The following GALNT18 variants were observed in gnomAD, a reference collection of about 807,000 sequenced individuals.
The protein encoded by GALNT18 is GalNAc-transferase 18.
In GALNT18, 44 loss-of-function variants were observed where a neutral mutation model predicts 69.5. That is an observed-to-expected ratio of 0.63 (90% CI 0.50 to 0.81). GALNT18 has a LOEUF of 0.81. Ranked by LOEUF, GALNT18 falls within the 40% of genes least tolerant of loss-of-function variation. The pLI is 0.00. For synonymous variants in GALNT18, 364 were observed against 318.2 expected (o/e 1.14, Z -1.53); for missense variants, 715 against 810.0 (o/e 0.88, Z 1.42).
At position 11,497,370 on chromosome 11, in the gene GALNT18, A is replaced by ACACACC. The variant is rs1388394076; in HGVS notation, c.236-48435_236-48434insGGTGTG. ...CACACACACACACACACACACACAC[A>ACACACC]CCCCTTAGAATGGGGCTCCTTAAGA... On this transcript the variant is annotated intron_variant, in intron 1 of 10. Coordinates refer to ENST00000227756, the MANE Select transcript of GALNT18 (RefSeq NM_198516.3). This position sits in a 1 kb window ranked among gnomAD's most constrained non-coding sequence, Gnocchi z 4.2. Among the ~76,000 whole-genome samples, 4,622 of 134,480 alleles carry ACACACC rather than the reference A, an allele frequency of 0.034. 101 individuals are homozygous for ACACACC. The highest frequency in any genetic ancestry group is 0.048 in the Non-Finnish European group (3,044 of 63,726). The allele number at this position is 134,480 out of a possible 152,430, so 88.2% of individuals were successfully genotyped here.
chr11:11,579,692 C>G (rs989979680), intron 1 of GALNT18, among the ~76,000 whole-genome samples: 8 of 152,324 alleles, frequency 5.3e-5, no homozygotes, highest in Admixed American at 3.9e-4. Context: ...TAATTGATAA[C>G]CTGTCTCTTT....
At position 11,436,118 on chromosome 11, in the gene GALNT18, T is replaced by C. The variant is rs1445410232; in HGVS notation, c.429-3331A>G. Among the ~76,000 whole-genome samples the C allele has an allele frequency of 1.3e-5, 2 of 152,168 alleles. No homozygotes were observed. Among genetic ancestry groups the C allele is most frequent in the Non-Finnish European group, 2.9e-5 (2 of 68,030 alleles). ...GGTGGGCAGGGTAAGGAAGATGATATGGGGGGATCGTTTTTGGGAAAGCGT... is the reference window on the plus strand; with the variant it reads ...GGTGGGCAGGGTAAGGAAGATGATACGGGGGGATCGTTTTTGGGAAAGCGT... On this transcript the variant is annotated intron_variant, in intron 2 of 10. Coordinates refer to ENST00000227756, the MANE Select transcript of GALNT18 (RefSeq NM_198516.3). The surrounding 1 kb of genome is among the most constrained non-coding windows in gnomAD (Gnocchi z 4.5).
intron 1 of GALNT18, among the ~76,000 whole-genome samples, chr11:11,478,083 A>G (rs1405807579): frequency 6.6e-6 from 1 of 152,186 alleles, no homozygotes; most frequent in Non-Finnish European, 1.5e-5. Flanking sequence ...GTTTGTCTAG[A>G]TTTGCAAAGA....
chr11:11,334,473 G>A (rs1034001468), intron 7 of GALNT18, among the ~76,000 whole-genome samples: 1 of 151,796 alleles, frequency 6.6e-6, no homozygotes, highest in African/African-American at 2.4e-5. Flanking sequence ...AACCCAGGAG[G>A]TGGAGCTTGC....
chr11:11,375,538 G>A (rs1361004605), intron 5 of GALNT18, among the ~76,000 whole-genome samples: 1 of 152,180 alleles, frequency 6.6e-6, no homozygotes, highest in Admixed American at 6.5e-5. Flanking sequence ...CACCAGTTCT[G>A]AGCTCAACAG....
chr11:11,468,978 G>A (rs945250846), intron 1 of GALNT18, among the ~76,000 whole-genome samples: 3 of 152,174 alleles, frequency 2.0e-5, no homozygotes, highest in Non-Finnish European at 4.4e-5. Flanking sequence ...TGGCTGGCTG[G>A]ACAGATGGAC....
At chr11:11,393,292 G>A (rs946347733) in intron 3 of GALNT18, among the ~76,000 whole-genome samples, 3 of 152,206 alleles carry the variant, frequency 2.0e-5, no homozygotes, top group Admixed American at 2.0e-4. Flanking sequence ...TCCCAGGTGG[G>A]CCACTGTCCA....
At chr11:11,551,118 A>G (rs1271384170) in intron 1 of GALNT18, among the ~76,000 whole-genome samples, 1 of 151,538 alleles carries the variant, frequency 6.6e-6, no homozygotes, top group Admixed American at 6.6e-5. Flanking sequence ...GAAGAAAATA[A>G]CCAAAAACAT....
intron 1 of GALNT18, among the ~76,000 whole-genome samples, chr11:11,580,231 C>A (rs1031332402): frequency 9.2e-5 from 14 of 152,186 alleles, no homozygotes; most frequent in Non-Finnish European, 8.8e-5. Context: ...AAGATGCAAA[C>A]CCCTTGGTGA....
Position 11,564,529 on chromosome 11 carries a change from G to A in GALNT18, c.235+56830C>T, listed in dbSNP as rs1858596195. Among the ~76,000 whole-genome samples the A allele has an allele frequency of 6.6e-6, 1 of 152,068 alleles. No homozygotes were observed. The highest frequency in any genetic ancestry group is 2.1e-4 in the South Asian group (1 of 4,810). ...ATGCATTTTATCTGCCTTATTTGAGGGCTGAAAGAGTCATTTGCCTCAAAG... is the reference window on the plus strand; with the variant it reads ...ATGCATTTTATCTGCCTTATTTGAGAGCTGAAAGAGTCATTTGCCTCAAAG... On this transcript the variant is annotated intron_variant, in intron 1 of 10. Coordinates refer to ENST00000227756, the MANE Select transcript of GALNT18 (RefSeq NM_198516.3). The surrounding 1 kb of genome is among the most constrained non-coding windows in gnomAD (Gnocchi z 4.3).
chr11:11,285,206 C>T (rs934919832), intron 10 of GALNT18, among the ~76,000 whole-genome samples: 59 of 152,180 alleles, frequency 3.9e-4, no homozygotes, highest in African/African-American at 1.4e-3. Flanking sequence ...TTTCCAGAGG[C>T]AGGACAAGGG....
rs775971264 is a variant in GALNT18 at position 11,320,629 on chromosome 11, C to A, written c.1512+6457G>T. On this transcript the variant is annotated intron_variant, in intron 9 of 10. Transcript: ENST00000227756. The surrounding 1 kb of genome is among the most constrained non-coding windows in gnomAD (Gnocchi z 4.9). ...ACCCCTTTTCTTACTCTTCCATGAG[C>A]AGTGAACTTCTTGCGGGCTGGAAGA... Among the ~76,000 whole-genome samples the A allele has an allele frequency of 1.9e-4, 29 of 152,174 alleles. No individual in the cohort carries two copies. The highest frequency in any genetic ancestry group is 3.8e-4 in the Non-Finnish European group (26 of 68,024).
At chr11:11,539,653 C>T (rs889845274) in intron 1 of GALNT18, among the ~76,000 whole-genome samples, 14 of 152,128 alleles carry the variant, frequency 9.2e-5, no homozygotes, top group African/African-American at 1.7e-4. Flanking sequence ...TGGGAGGCTG[C>T]GGAGGGTTCC....
chr11:11,498,776 G>A lies in GALNT18; in HGVS notation c.236-49840C>T, dbSNP rs143567152. ...ATCATGCCACTGCACTCCAGCCTGG[G>A]CAACAGAGTGAGACTCCATCTCAAA... On this transcript the variant is annotated intron_variant, in intron 1 of 10. Coordinates refer to ENST00000227756, the MANE Select transcript of GALNT18 (RefSeq NM_198516.3). 4.7e-3 allele frequency among the ~76,000 whole-genome samples: 717 copies of A among 152,296 alleles called. 5 individuals carry two copies. The highest frequency in any genetic ancestry group is 7.0e-3 in the Non-Finnish European group (479 of 68,024).
chr11:11,401,335 G>A (rs1589971608), intron 3 of GALNT18, among the ~76,000 whole-genome samples: 1 of 152,198 alleles, frequency 6.6e-6, no homozygotes. Flanking sequence ...TCAACCTCCT[G>A]GAGGTAGCCA....
rs1048778427 is a variant in GALNT18, at chr11:11,592,976, C to A, written c.235+28383G>T. On this transcript the variant is annotated intron_variant, in intron 1 of 10. Coordinates refer to ENST00000227756, the MANE Select transcript of GALNT18 (RefSeq NM_198516.3). The surrounding 1 kb of genome is among the most constrained non-coding windows in gnomAD (Gnocchi z 5.9). ...TGTCTCCCAGGCTGGAGTGCAGTGG[C>A]GCAATCTCAGCTCACTGCAAGCTGC... is the stretch of plus-strand genomic sequence containing the variant. 5.9e-5 allele frequency among the ~76,000 whole-genome samples: 9 copies of A among 152,114 alleles called. No individual in the cohort carries two copies.
intron 10 of GALNT18, among the ~76,000 whole-genome samples, chr11:11,281,547 A>G (rs1849075326): frequency 6.6e-6 from 1 of 152,148 alleles, no homozygotes; most frequent in South Asian, 2.1e-4. Flanking sequence ...GACCCCAGAC[A>G]ACCAACTCTT....
At chr11:11,385,479 TAG>T (rs1218548197) in intron 3 of GALNT18, among the ~76,000 whole-genome samples, 1 of 152,048 alleles carries the variant, frequency 6.6e-6, no homozygotes, top group Non-Finnish European at 1.5e-5. Context: ...GTATTTTTAG[TAG>T]AGATGGGGTT....
rs1228492264 is a variant in GALNT18 at position 11,413,367 on chromosome 11, C to T, written c.595+19254G>A. ...TGGAGGTGCAGATGCCCCATTAGGA[C>T]TCAGAGGCACTCTCTACTTTCTCTG... On this transcript the variant is annotated intron_variant, in intron 3 of 10. Coordinates refer to ENST00000227756, the MANE Select transcript of GALNT18 (RefSeq NM_198516.3). This position sits in a 1 kb window ranked among gnomAD's most constrained non-coding sequence, Gnocchi z 4.7. 6.6e-6 allele frequency among the ~76,000 whole-genome samples: 1 copy of T among 152,166 alleles called. No individual in the cohort carries two copies. Among genetic ancestry groups the T allele is most frequent in the Non-Finnish European group, 1.5e-5 (1 of 68,040 alleles).
Sources: gnomAD v4.1 joint callset for allele counts (sites outside exome capture counted in the v4.1 genomes callset) on GRCh38, gnomAD v4.1.1 for gene constraint, Gnocchi (gnomAD v3.1) non-coding constraint, MANE v1.5 for transcripts, NCBI Gene and HGNC (gene_info 2026-07-23, HGNC 2026-07-21) for gene names.